Variants in LARGE2 observed in about 807,000 individuals in gnomAD.
LARGE2 encodes the protein xylosyl- and glucuronyltransferase LARGE2.
In LARGE2, 63 loss-of-function variants were observed where a neutral mutation model predicts 75.3. The ratio of observed to expected loss-of-function variants is 0.84; its 90% CI spans 0.68 to 1.03. The LOEUF (loss-of-function observed/expected upper bound fraction) is 1.03. Ranked by LOEUF, LARGE2 falls within the 50% of genes least tolerant of loss-of-function variation. The probability of loss-of-function intolerance (pLI) is 0.00; values close to 1 mark genes in which losing one functional copy is unlikely to be tolerated. For missense variants in LARGE2, 925 were observed against 980.6 expected (o/e 0.94, Z 0.76); for synonymous variants, 428 against 420.1 (o/e 1.02, Z -0.23).
At position 45,926,603 on chromosome 11, in the gene LARGE2, A is replaced by G. The variant is rs941626127; in HGVS notation, c.1164+6A>G. The G allele has an allele frequency of 3.1e-6, 5 of 1,613,884 alleles. No homozygotes were observed. Among genetic ancestry groups the G allele is most frequent in the Admixed American group, 3.3e-5 (2 of 60,012 alleles). On this transcript the variant is annotated splice_donor_region_variant and intron_variant, in intron 9 of 13. Transcript: ENST00000401752. ...CCCCACCTGGTGCTGAGCAGGTGAG[A>G]AGGAGTCACCTTCCCCTGCCCCTCT...
rs573567167 is a variant in LARGE2 at position 45,922,802 on chromosome 11, C to T, written c.-62-19C>T. 56 of 1,129,032 alleles carry T rather than the reference C, an allele frequency of 5.0e-5. No homozygotes were observed. The African/African-American group carries it at 7.7e-4, about 16-fold the overall frequency. 69.9% of individuals were successfully genotyped at this position (1,129,032 alleles called of 1,614,324 possible). A position where few individuals can be genotyped will look rare whatever the true frequency, so the allele number is the denominator to read the frequency against. The stretch of plus-strand genomic sequence containing the variant: ...CGCCGCCCAGGGCTGAGTCTCCCAT[C>T]TCGCCCCTCGGTCCGCAGGGCCTGC... On this transcript the variant is annotated intron_variant, in intron 1 of 13. Transcript: ENST00000401752.
At chr11:45,928,093 C>T (rs1311335168) in intron 12 of LARGE2, 24 bp downstream of exon 12, 1 of 1,612,944 alleles carries the variant, frequency 6.2e-7, no homozygotes, top group South Asian at 1.1e-5. Context: ...CTTCTCTGCC[C>T]ACTCCACTCA....
rs533759355 is a variant in LARGE2, at chr11:45,926,502, C to T, written c.1069C>T (p.Arg357Cys). The T allele has an allele frequency of 1.9e-5, 30 of 1,614,126 alleles. No individual in the cohort carries two copies. The highest frequency in any genetic ancestry group is 1.2e-4 in the South Asian group (11 of 91,084). Residue 357 changes from arginine to cysteine, a missense_variant, in exon 9 of 14, where the codon CGC becomes TGC. By Grantham distance (180) the Arg-to-Cys change is radical. Transcript: ENST00000401752. ...RVKNKHVEFF[R>C]NFYLTFLEYD... ...GAAGAACAAGCATGTGGAATTCTTC[C>T]GCAATTTCTACCTGACCTTCCTGGA... is the stretch of plus-strand genomic sequence containing the variant.
rs2087241538 is a variant in LARGE2 at position 45,927,679 on chromosome 11, T to C, written c.1604+86T>C. 2.6e-6 allele frequency: 4 copies of C among 1,557,858 alleles called. No individual in the cohort carries two copies. In the Admixed American group the frequency reaches 5.1e-5, roughly 20 times the overall value. ...GGACCCCAGGCTTCCATGTCCCTGC[T>C]CCTTTCTGGGCCTCAGTGGCCTCTG... is the stretch of plus-strand genomic sequence containing the variant. On this transcript the variant is annotated intron_variant, in intron 11 of 13. Transcript: ENST00000401752.
chr11:45,928,808 C>T lies in LARGE2; in HGVS notation c.2129C>T (p.Pro710Leu). ...HHGAAALKYL[P>L]ALQQPQSPAR... Reference sequence around the variant, plus strand: ...GGGGCTGCTGCCCTCAAATACCTCCCAGCCCTGCAGCAGCCCCAGAGCCCT... The same window carrying T: ...GGGGCTGCTGCCCTCAAATACCTCCTAGCCCTGCAGCAGCCCCAGAGCCCT... The change falls in exon 14 of 14, where the codon CCA (proline) becomes CTA (leucine). Residue 710 changes from proline (P) to leucine (L), a missense_variant. Pro to Leu is a moderately conservative substitution (Grantham distance 98). Around this residue, in one of 3 missense-constraint regions of LARGE2, gnomAD observed 469 missense variants for 503.8 expected, o/e 0.93. Coordinates refer to ENST00000401752, the MANE Select transcript of LARGE2 (RefSeq NM_001300721.2). The T allele has an allele frequency of 6.2e-7, 1 of 1,613,526 alleles. No homozygotes were observed. The highest frequency in any genetic ancestry group is 8.5e-7 in the Non-Finnish European group (1 of 1,179,980).
Position 45,928,292 on chromosome 11 carries a change from C to T in LARGE2, c.1870C>T (p.Arg624Ter), listed in dbSNP as rs745786336. 2.2e-5 allele frequency: 35 copies of T among 1,614,014 alleles called. No individual in the cohort carries two copies. In the East Asian group the frequency reaches 2.2e-4, roughly 10 times the overall value. Reference protein sequence around the residue: ...ANYEPYVVVPRDCPRYDPRFV... With the variant: ...ANYEPYVVVP ...CTATGAACCCTACGTGGTGGTGCCA[C>T]GAGACTGTCCCCGCTATGATCCTCG... is the stretch of plus-strand genomic sequence containing the variant. Residue 624 changes from arginine (R) to a stop codon, truncating the protein, a stop_gained, in exon 13 of 14, where the codon CGA (arginine) becomes TGA (stop). Transcript: ENST00000401752. LOFTEE classifies it high-confidence loss of function.
At chr11:45,923,847 G>A (rs1323870361) in intron 3 of LARGE2, among the ~76,000 whole-genome samples, 2 of 150,770 alleles carry the variant, frequency 1.3e-5, no homozygotes, top group Admixed American at 6.6e-5. Context: ...TTAGCCGGGC[G>A]TAGTGGCGGG....
At position 45,926,720 on chromosome 11, in the gene LARGE2, G is replaced by C; in HGVS notation, c.1174G>C (p.Ala392Pro). Reference sequence around the variant, plus strand: ...CCCCTTGCCCCCTCAGTTGCAGCAGGCCCTGGCACAACTGGACGAGGAAGA... The same window carrying C: ...CCCCTTGCCCCCTCAGTTGCAGCAGCCCCTGGCACAACTGGACGAGGAAGA... ...PPPGAEQLQQ[A>P]LAQLDEEDPC... Residue 392 changes from alanine to proline, a missense_variant, in exon 10 of 14, where the codon GCC becomes CCC. Coordinates refer to ENST00000401752, the MANE Select transcript of LARGE2 (RefSeq NM_001300721.2). The C allele has an allele frequency of 6.2e-7, 1 of 1,613,360 alleles. No individual in the cohort carries two copies. Among genetic ancestry groups the C allele is most frequent in the Non-Finnish European group, 8.5e-7 (1 of 1,179,778 alleles).
chr11:45,927,636 G>C (rs553468196), intron 11 of LARGE2, 43 bp downstream of exon 11: 22 of 1,599,060 alleles, frequency 1.4e-5, no homozygotes, highest in Non-Finnish European at 1.9e-5. Context: ...TGGGGTGGAC[G>C]TGGACGGGGC....
At position 45,924,265 on chromosome 11, in the gene LARGE2, C is replaced by T. The variant is rs1414130422; in HGVS notation, c.480C>T (p.Ala160=). The T allele has an allele frequency of 6.2e-6, 10 of 1,613,326 alleles. No individual in the cohort carries two copies. The South Asian group carries it at 8.8e-5, about 14-fold the overall frequency. ...VPAVRVSFYH[A]DQLKPQVSWI... ...CTGTCCGTGTCAGCTTTTATCATGC[C>T]GACCAGCTCAAGGCAGGGGCCCAGC... is the stretch of plus-strand genomic sequence containing the variant. Residue 160 remains alanine (A), a synonymous_variant, in exon 4 of 14, where the codon GCC becomes GCT. Transcript: ENST00000401752.
rs1026662890 is a variant in LARGE2, at chr11:45,922,990, C to A, written c.108C>A (p.Arg36=). Residue 36 remains arginine (R), a synonymous_variant, in exon 2 of 14, where the codon CGC becomes CGA. Coordinates refer to ENST00000401752, the MANE Select transcript of LARGE2 (RefSeq NM_001300721.2). ...GTGGGGACCTGGGGTGTGAGCGCCG[C>A]GAGCCTGGCGGGCGAGCGGGGGCCC... ...LFGGDLGCER[R]EPGGRAGAPG... 3.7e-6 allele frequency: 5 copies of A among 1,342,326 alleles called. No individual in the cohort carries two copies. Among genetic ancestry groups the A allele is most frequent in the Non-Finnish European group, 4.8e-6 (5 of 1,052,180 alleles). The allele number at this position is 1,342,326 out of a possible 1,614,324, so 83.2% of individuals were successfully genotyped here.
Position 45,924,894 on chromosome 11 carries a change from G to T in LARGE2, c.769+5G>T, listed in dbSNP as rs763585348. 6 of 1,453,592 alleles carry T rather than the reference G, an allele frequency of 4.1e-6. No homozygotes were observed. The highest frequency in any genetic ancestry group is 3.6e-6 in the Non-Finnish European group (4 of 1,100,790). The allele number at this position is 1,453,592 out of a possible 1,614,324, so 90.0% of individuals were successfully genotyped here. ...TGGGCCGGGGATTTAACACAGGTGG[G>T]GACAGTGGTGAGGGGAGGCAGGCGG... On this transcript the variant is annotated splice_donor_5th_base_variant and intron_variant, in intron 6 of 13. Transcript: ENST00000401752.
intron 2 of LARGE2, 92 bp from the exon 3 acceptor site, chr11:45,923,381 C>T (rs1247426183): frequency 9.0e-6 from 12 of 1,329,530 alleles, no homozygotes; most frequent in Non-Finnish European, 1.1e-6. Flanking sequence ...CACACTGTTC[C>T]GGGCTCTGCT....
At chr11:45,923,307 C>A in intron 2 of LARGE2, 140 bp downstream of exon 2, 1 of 1,093,690 alleles carries the variant, frequency 9.1e-7, no homozygotes, top group Non-Finnish European at 1.3e-6. Context: ...GAACGTGCAG[C>A]TCCTCTGCTC....
chr11:45,925,833 C>G (rs1393433678), intron 6 of LARGE2, among the ~76,000 whole-genome samples: 1 of 151,986 alleles, frequency 6.6e-6, no homozygotes, highest in Non-Finnish European at 1.5e-5. Flanking sequence ...CTGCACCACT[C>G]CAGCCTGGGT....
chr11:45,924,299 C>G lies in LARGE2; in HGVS notation c.492+22C>G, dbSNP rs201765300. On this transcript the variant is annotated intron_variant, in intron 4 of 13. Transcript: ENST00000401752. ...CAAGGCAGGGGCCCAGCCCTTCCCC[C>G]CTCCCCTCAGCTGTGTCCACCGCTC... is the stretch of plus-strand genomic sequence containing the variant. 200 of 1,611,418 alleles carry G rather than the reference C, an allele frequency of 1.2e-4. 1 individual carries two copies. In the Middle Eastern group the frequency reaches 3.0e-3, roughly 24 times the overall value.
At chr11:45,927,870 A>G (rs1330627087) in intron 11 of LARGE2, 50 bp from the exon 12 acceptor site, 4 of 1,609,382 alleles carry the variant, frequency 2.5e-6, no homozygotes, top group Non-Finnish European at 3.4e-6. Flanking sequence ...TCACTGGCCC[A>G]GTCCTAGATG....
chr11:45,928,409 G>C (rs764189772), intron 13 of LARGE2, 37 bp downstream of exon 13: 2 of 1,600,998 alleles, frequency 1.2e-6, no homozygotes. Context: ...CCTTTGACTC[G>C]AGCACCTCCA....
At chr11:45,927,657 C>G (rs2087237959) in intron 11 of LARGE2, 64 bp downstream of exon 11, 23 of 1,575,746 alleles carry the variant, frequency 1.5e-5, no homozygotes, top group Non-Finnish European at 1.0e-5. Flanking sequence ...ATGCGTGGGA[C>G]CCCAGGCTTC....
Sources: allele counts gnomAD v4.1 joint callset (sites outside exome capture counted in the v4.1 genomes callset), GRCh38; gene constraint gnomAD v4.1.1; regional missense constraint gnomAD v4.1.1; transcripts MANE v1.5; gene names NCBI Gene and HGNC (gene_info 2026-07-23, HGNC 2026-07-21).